KAZN: variants seen among roughly 807,000 people sequenced by gnomAD.
The protein encoded by KAZN is kazrin.
KAZN carries 40 observed loss-of-function variants against 87.4 expected under a neutral mutation model. The ratio of observed to expected loss-of-function variants is 0.46; its 90% CI spans 0.36 to 0.60. KAZN has a LOEUF of 0.60. Ranked by LOEUF, KAZN falls within the 20% of genes least tolerant of loss-of-function variation. KAZN has a pLI of 0.00. For synonymous variants in KAZN, 466 were observed against 458.3 expected (o/e 1.02, Z -0.22); for missense variants, 898 against 1,073.9 (o/e 0.84, Z 2.29).
intron 1 of KAZN, among the ~76,000 whole-genome samples, chr1:14,064,767 G>A (rs548156433): frequency 3.1e-4 from 47 of 152,238 alleles, no homozygotes; most frequent in Middle Eastern, 6.8e-3. Context: ...CCCTGCGGAC[G>A]CTCAGGTGAC....
intron 1 of KAZN, among the ~76,000 whole-genome samples, chr1:13,917,545 CA>C (rs1639898308): frequency 6.6e-6 from 1 of 152,018 alleles, no homozygotes; most frequent in Admixed American, 6.6e-5. Flanking sequence ...CCTGTAATCC[CA>C]GCATTTTGGG....
chr1:14,655,052 C>T (rs779973435), intron 1 of KAZN, among the ~76,000 whole-genome samples: 23 of 152,198 alleles, frequency 1.5e-4, no homozygotes, highest in Non-Finnish European at 1.3e-4. Context: ...TGGGCCCAGC[C>T]CCAGAGTTAC....
chr1:14,623,540 T>A (rs1447750240), intron 1 of KAZN, among the ~76,000 whole-genome samples: 1 of 152,220 alleles, frequency 6.6e-6, no homozygotes, highest in Non-Finnish European at 1.5e-5. Flanking sequence ...ACCTGATTGA[T>A]GAAATACTCT....
At chr1:14,213,809 G>A (rs555392808) in intron 2 of KAZN, among the ~76,000 whole-genome samples, 1 of 152,188 alleles carries the variant, frequency 6.6e-6, no homozygotes, top group African/African-American at 2.4e-5. Flanking sequence ...GGCTACCTGT[G>A]GTGGCCCAGA....
intron 1 of KAZN, among the ~76,000 whole-genome samples, chr1:14,637,623 A>AGT (rs1680091173): frequency 6.6e-6 from 1 of 151,648 alleles, no homozygotes. Flanking sequence ...ATGAAGTGGG[A>AGT]GTGTGTGTGT....
chr1:14,166,554 A>G (rs1053284848), intron 1 of KAZN, among the ~76,000 whole-genome samples: 9 of 152,224 alleles, frequency 5.9e-5, no homozygotes, highest in Non-Finnish European at 7.3e-5. Flanking sequence ...CCTGGAACAC[A>G]GCAAATGTCG....
intron 1 of KAZN, among the ~76,000 whole-genome samples, chr1:14,664,722 C>T (rs1407812291): frequency 6.7e-5 from 10 of 148,398 alleles, no homozygotes; most frequent in African/African-American, 1.2e-4. Flanking sequence ...GGTGTGATCT[C>T]GGCTCACTGC....
At chr1:14,596,303 TGTGCGCACACACACACACACACACAC>T (rs1200841056), upstream of KAZN, among the ~76,000 whole-genome samples, 2 of 78,992 alleles carry the variant, frequency 2.5e-5, no homozygotes, top group African/African-American at 1.5e-4. Flanking sequence ...CACGCACACG[TGTGCGCACACACACACACACACACAC>T]ACACACACGG....
intron 1 of KAZN, among the ~76,000 whole-genome samples, chr1:14,734,394 C>T (rs1472087543): frequency 2.0e-5 from 3 of 151,590 alleles, no homozygotes; most frequent in African/African-American, 7.3e-5. Context: ...ACCTCCGCTT[C>T]CCGGGTTCAA....
intron 2 of KAZN, among the ~76,000 whole-genome samples, chr1:14,500,010 A>G (rs1347900552): frequency 6.6e-6 from 1 of 152,240 alleles, no homozygotes; most frequent in East Asian, 1.9e-4. Context: ...AAACGTGAAT[A>G]GAATAAGTGA....
chr1:15,019,980 G>C (rs567085516), intron 2 of KAZN, among the ~76,000 whole-genome samples: 6 of 152,176 alleles, frequency 3.9e-5, no homozygotes, highest in South Asian at 2.1e-4. Context: ...CAGCGTTGTC[G>C]TGGCCTGTGC....
intron 1 of KAZN, among the ~76,000 whole-genome samples, chr1:14,005,941 T>G (rs770947106): frequency 3.3e-5 from 5 of 152,296 alleles, no homozygotes; most frequent in South Asian, 4.1e-4. Flanking sequence ...AAAGACTATA[T>G]GTATCCATCT....
chr1:14,651,653 A>G (rs919017632), intron 1 of KAZN, among the ~76,000 whole-genome samples: 1 of 152,240 alleles, frequency 6.6e-6, no homozygotes, highest in Admixed American at 6.5e-5. Flanking sequence ...AAAGAACAAC[A>G]TTTGACTGGA....
At chr1:15,064,961 C>T (rs911544366) in intron 7 of KAZN, among the ~76,000 whole-genome samples, 1 of 152,102 alleles carries the variant, frequency 6.6e-6, no homozygotes, top group Non-Finnish European at 1.5e-5. Context: ...GTACAAATGA[C>T]CACAGCTGCT....
chr1:14,772,989 TCC>T lies in KAZN; in HGVS notation c.226+173769_226+173770del, dbSNP rs757230243. 4.6e-4 allele frequency among the ~76,000 whole-genome samples: 70 copies of T among 151,840 alleles called. 1 individual carries two copies. The highest frequency in any genetic ancestry group is 5.2e-4 in the Admixed American group (8 of 15,248). Reference sequence around the variant, plus strand: ...AGTTGAGTCATCTCTCTTCCATGGTTCCCCACCAGCCAAGAGAATGGTATGAA... The same window carrying T: ...AGTTGAGTCATCTCTCTTCCATGGTTCCACCAGCCAAGAGAATGGTATGAA... On this transcript the variant is annotated intron_variant, in intron 1 of 14. Transcript: ENST00000376030.
chr1:14,566,833 A>C (rs1236929953), intron 2 of KAZN, among the ~76,000 whole-genome samples: 1 of 152,230 alleles, frequency 6.6e-6, no homozygotes, highest in East Asian at 1.9e-4. Context: ...TCATTGAATT[A>C]AAAAGACTCA....
intron 1 of KAZN, among the ~76,000 whole-genome samples, chr1:13,915,119 G>T (rs535620314): frequency 1.3e-5 from 2 of 152,100 alleles, no homozygotes; most frequent in Admixed American, 6.5e-5. Context: ...ATGTGTATAC[G>T]TGCAGTTGTA....
At chr1:14,839,715 C>T (rs999553809) in intron 1 of KAZN, among the ~76,000 whole-genome samples, 1 of 152,104 alleles carries the variant, frequency 6.6e-6, no homozygotes, top group African/African-American at 2.4e-5. Context: ...TCTTTAAGAA[C>T]GGGGACTATT....
At chr1:14,859,346 A>C (rs1313515521) in intron 1 of KAZN, among the ~76,000 whole-genome samples, 3 of 152,086 alleles carry the variant, frequency 2.0e-5, no homozygotes, top group African/African-American at 7.2e-5. Flanking sequence ...CCTCCATTTC[A>C]CAGATGAGAA....
Sources: gnomAD v4.1 joint callset for allele counts (sites outside exome capture counted in the v4.1 genomes callset) on GRCh38, gnomAD v4.1.1 for gene constraint, MANE v1.5 for transcripts, NCBI Gene and HGNC (gene_info 2026-07-23, HGNC 2026-07-21) for gene names.